The following ZP3 variants were observed in gnomAD, a reference collection of about 807,000 sequenced individuals.
The protein encoded by ZP3 is zona pellucida sperm-binding protein 3.
ZP3 carries 21 observed loss-of-function variants against 35.6 expected under a neutral mutation model. That is an observed-to-expected ratio of 0.59 (90% CI 0.42 to 0.85). ZP3 has a LOEUF of 0.85. ZP3 is among the 40% of genes least tolerant of loss of function. ZP3 has a pLI of 0.00. For synonymous variants in ZP3, 207 were observed against 214.5 expected (o/e 0.96, Z 0.31); for missense variants, 437 against 536.5 (o/e 0.81, Z 1.83).
chr7:76,423,084 A>AAAGAAAGAAAG (rs199921755), upstream of ZP3, among the ~76,000 whole-genome samples: 5 of 137,132 alleles, frequency 3.6e-5, no homozygotes, highest in African/African-American at 1.4e-4. Flanking sequence ...AGAAAGAAAG[A>AAAGAAAGAAAG]AAAGAAATTG....
intron 1 of ZP3, among the ~76,000 whole-genome samples, chr7:76,419,587 A>T (rs1445932644): frequency 6.6e-6 from 1 of 151,648 alleles, no homozygotes; most frequent in African/African-American, 2.4e-5. Context: ...TGTGTGTCTC[A>T]TGATGTTCTT....
chr7:76,425,295 C>A lies in ZP3; in HGVS notation c.312+19C>A. ...CATGCAGGTAAGAGAGGCTGGGGGC[C>A]CTGGCTTTGGTGGGAGGATGTTCGA... On this transcript the variant is annotated intron_variant, in intron 1 of 7. Coordinates refer to ENST00000394857, the MANE Select transcript of ZP3 (RefSeq NM_001110354.2). 2 of 1,585,056 alleles carry A rather than the reference C, an allele frequency of 1.3e-6. No individual in the cohort carries two copies. The highest frequency in any genetic ancestry group is 1.7e-6 in the Non-Finnish European group (2 of 1,165,236).
chr7:76,435,397 C>T (rs866079868), intron 5 of ZP3, among the ~76,000 whole-genome samples: 4 of 152,218 alleles, frequency 2.6e-5, no homozygotes, highest in African/African-American at 4.8e-5. Context: ...TCAGGTGATC[C>T]GCCTGCCTCG....
intron 1 of ZP3, among the ~76,000 whole-genome samples, chr7:76,407,259 C>T (rs1248239084): frequency 2.6e-5 from 4 of 152,188 alleles, no homozygotes; most frequent in Non-Finnish European, 4.4e-5. Flanking sequence ...CCAGGCTTGG[C>T]CCTGATTTAA....
rs912728087 is a variant in ZP3, at chr7:76,398,938, A to G, written c.-67+1141A>G. ...CACACAAAGAGTCACAGCCAGGAAC[A>G]CTGGGGTATGAGAGGAGAGGGTCCA... On this transcript the variant is annotated intron_variant, in intron 1 of 8. Transcript: ENST00000336517. 54 of 782,088 alleles carry G rather than the reference A, an allele frequency of 6.9e-5. No individual in the cohort carries two copies. In the African/African-American group the frequency reaches 8.5e-4, roughly 12 times the overall value. The allele number at this position is 782,088 out of a possible 1,614,324, so 48.4% of individuals were successfully genotyped here. A position where few individuals can be genotyped will look rare whatever the true frequency, so the allele number is the denominator to read the frequency against.
chr7:76,417,581 C>G (rs11983026), intron 1 of ZP3, among the ~76,000 whole-genome samples: 2 of 151,654 alleles, frequency 1.3e-5, no homozygotes, highest in Non-Finnish European at 2.9e-5. Flanking sequence ...CAGGTTGACA[C>G]GTAGAAAGAA....
intron 1 of ZP3, among the ~76,000 whole-genome samples, chr7:76,409,994 C>T (rs1350329386): frequency 6.6e-6 from 1 of 152,148 alleles, no homozygotes; most frequent in African/African-American, 2.4e-5. Flanking sequence ...ACCTCACAAC[C>T]TCACTTGGGG....
chr7:76,424,968 G>A lies in ZP3; in HGVS notation c.4G>A (p.Glu2Lys), dbSNP rs753731255. 43 of 1,531,158 alleles carry A rather than the reference G, an allele frequency of 2.8e-5. No homozygotes were observed. The highest frequency in any genetic ancestry group is 3.7e-5 in the Non-Finnish European group (42 of 1,138,714). The allele number at this position is 1,531,158 out of a possible 1,614,324, so 94.8% of individuals were successfully genotyped here. Reference protein sequence around the residue: MELSYRLFICLL... With the variant: MKLSYRLFICLL... The stretch of plus-strand genomic sequence containing the variant: ...TGCCTGCTGCTCTGCAGGTACCATG[G>A]AGCTGAGCTATAGGCTCTTCATCTG... The change falls in exon 1 of 8, where the codon GAG becomes AAG. Residue 2 changes from glutamate to lysine, a missense_variant. Transcript: ENST00000394857.
At chr7:76,432,082 G>C (rs1041212991) in intron 2 of ZP3, among the ~76,000 whole-genome samples, 62 of 151,976 alleles carry the variant, frequency 4.1e-4, no homozygotes, top group Admixed American at 5.3e-4. Context: ...GTGCAGTGGG[G>C]TGCCATCATA....
chr7:76,423,090 A>C (rs1396632561), upstream of ZP3, among the ~76,000 whole-genome samples: 1 of 150,844 alleles, frequency 6.6e-6, no homozygotes, highest in African/African-American at 2.4e-5. Context: ...AAAGAAAAGA[A>C]ATTGACAGGA....
intron 2 of ZP3, among the ~76,000 whole-genome samples, chr7:76,432,196 C>A (rs1355585175): frequency 6.9e-6 from 1 of 144,072 alleles, no homozygotes; most frequent in South Asian, 2.2e-4. Flanking sequence ...CTTTTCTTTT[C>A]TTTTTTTTTT....
rs756615057 is a variant in ZP3 at position 76,400,572 on chromosome 7, GC to G, written c.-67+2781del. ...CCAGGCGGCCCCGGCAGCGGCTGGG[GC>G]CCCCCACCAGCCTCAGCTCTGTGAA... On this transcript the variant is annotated intron_variant, in intron 1 of 8. Coordinates refer to the ZP3 transcript ENST00000336517. The G allele has an allele frequency of 3.1e-5, 46 of 1,484,124 alleles. No individual in the cohort carries two copies. The African/African-American group carries it at 5.8e-4, about 19-fold the overall frequency. 91.9% of individuals were successfully genotyped at this position (1,484,124 alleles called of 1,614,324 possible). A position where few individuals can be genotyped will look rare whatever the true frequency, so the allele number is the denominator to read the frequency against.
chr7:76,430,100 C>T (rs1805783638), intron 2 of ZP3, among the ~76,000 whole-genome samples: 1 of 152,052 alleles, frequency 6.6e-6, no homozygotes, highest in African/African-American at 2.4e-5. Flanking sequence ...ATCCCAGCTA[C>T]TTGGGAGGCT....
At chr7:76,432,096 C>G (rs1456908891) in intron 2 of ZP3, among the ~76,000 whole-genome samples, 1 of 151,984 alleles carries the variant, frequency 6.6e-6, no homozygotes, top group Non-Finnish European at 1.5e-5. Context: ...CATCATAGTT[C>G]ACTGCAGCCT....
chr7:76,433,117 G>GTTTGGTTTTGGT (rs202182448), intron 3 of ZP3, 87 bp downstream of exon 3: 12 of 1,111,224 alleles, frequency 1.1e-5, no homozygotes, highest in Non-Finnish European at 1.4e-5. Flanking sequence ...TTTTTTGTTT[G>GTTTGGTTTTGGT]TTTGGTTTTG....
upstream of ZP3, among the ~76,000 whole-genome samples, chr7:76,423,025 G>GAGAGAGAGAGAGAGAGAGAA (rs1278384225): frequency 1.0e-3 from 76 of 75,826 alleles, no homozygotes; most frequent in Non-Finnish European, 1.2e-3. Context: ...GAGAGAGAGA[G>GAGAGAGAGAGAGAGAGAGAA]AGAAAGAAAG....
chr7:76,415,766 A>G (rs987926890), intron 1 of ZP3, among the ~76,000 whole-genome samples: 5 of 151,460 alleles, frequency 3.3e-5, no homozygotes, highest in African/African-American at 7.3e-5. Context: ...AAGTGCTGCA[A>G]TTACAGGCAT....
chr7:76,430,191 C>G (rs1805786597), intron 2 of ZP3, among the ~76,000 whole-genome samples: 1 of 152,040 alleles, frequency 6.6e-6, no homozygotes, highest in Non-Finnish European at 1.5e-5. Context: ...TTCTGGGCAA[C>G]AAAGCGATAC....
At chr7:76,419,417 C>A (rs1805452701) in intron 1 of ZP3, among the ~76,000 whole-genome samples, 2 of 152,118 alleles carry the variant, frequency 1.3e-5, no homozygotes, top group Non-Finnish European at 2.9e-5. Context: ...AGCTCCTTTT[C>A]TTGAAGAGTC....
Sources: gnomAD v4.1 joint callset for allele counts (sites outside exome capture counted in the v4.1 genomes callset) on GRCh38, gnomAD v4.1.1 for gene constraint, MANE v1.5 for transcripts, NCBI Gene and HGNC (gene_info 2026-07-23, HGNC 2026-07-21) for gene names.